Variants in FAM162B observed in about 807,000 individuals in gnomAD.
The protein encoded by FAM162B is protein FAM162B.
A neutral mutation model predicts 20.0 loss-of-function variants in FAM162B; 16 were observed. That is an observed-to-expected ratio of 0.80 (90% CI 0.54 to 1.21). The LOEUF (loss-of-function observed/expected upper bound fraction) is 1.21. FAM162B is among the 50% of genes most tolerant of loss of function. The pLI, the probability that FAM162B is intolerant of heterozygous loss-of-function variation, is 0.00. For missense variants in FAM162B, 260 were observed against 227.5 expected, an observed-to-expected ratio of 1.14 and a Z score of -0.92; for synonymous variants, 83 against 89.7, an observed-to-expected ratio of 0.93 and a Z score of 0.42.
intron 3 of FAM162B, among the ~76,000 whole-genome samples, chr6:116,755,809 T>C (rs1007347305): frequency 2.0e-5 from 3 of 152,192 alleles, no homozygotes; most frequent in African/African-American, 7.2e-5. Flanking sequence ...AAATCTACTC[T>C]GCCTGTGCCA....
chr6:116,764,691 CCCCCGCCACAGCCG>C (rs1771873003), intron 2 of FAM162B, among the ~76,000 whole-genome samples: 1 of 152,070 alleles, frequency 6.6e-6, no homozygotes, highest in Admixed American at 6.6e-5. Context: ...TCCAGAGACC[CCCCCGCCACAGCCG>C]CCCCGCAAGC....
chr6:116,765,549 G>C lies in FAM162B; in HGVS notation c.28C>G (p.Arg10Gly). ...CGGACTGTTAGCCCGCGGCCAAGGC[G>C]CAGTAGGCTCCCGACCGCCCTGAGC... MLRAVGSLLRLGRGLTVRCG... is the reference protein window; with the variant it reads MLRAVGSLLGLGRGLTVRCG... Residue 10 changes from arginine (R) to glycine (G), a missense_variant, in exon 1 of 4, where the codon CGC becomes GGC. Arg to Gly is a moderately radical substitution (Grantham distance 125). Transcript: ENST00000368557. 2.2e-6 allele frequency: 3 copies of C among 1,384,926 alleles called. No individual in the cohort carries two copies. The highest frequency in any genetic ancestry group is 2.8e-6 in the Non-Finnish European group (3 of 1,078,100). The allele number at this position is 1,384,926 out of a possible 1,614,324, so 85.8% of individuals were successfully genotyped here.
chr6:116,760,946 A>C (rs1209136371), intron 3 of FAM162B, among the ~76,000 whole-genome samples: 1 of 152,180 alleles, frequency 6.6e-6, no homozygotes, highest in Non-Finnish European at 1.5e-5. Flanking sequence ...GGATGTATGG[A>C]GCCAAGCAAA....
At position 116,765,041 on chromosome 6, in the gene FAM162B, A is replaced by C. The variant is rs928557448; in HGVS notation, c.281+106T>G. On this transcript the variant is annotated intron_variant, in intron 2 of 3. Transcript: ENST00000368557. ...GTGGGTGATATTGCGAAGTGTTGGC[A>C]CTGCGGCCGCTTTCGCTCCTAGGTG... 4 of 1,003,698 alleles carry C rather than the reference A, an allele frequency of 4.0e-6. No individual in the cohort carries two copies. The Admixed American group carries it at 7.0e-5, about 18-fold the overall frequency. The allele number at this position is 1,003,698 out of a possible 1,614,324, so 62.2% of individuals were successfully genotyped here. A position where few individuals can be genotyped will look rare whatever the true frequency, so the allele number is the denominator to read the frequency against.
intron 3 of FAM162B, among the ~76,000 whole-genome samples, chr6:116,754,954 T>C (rs1200786561): frequency 6.6e-6 from 1 of 152,140 alleles, no homozygotes; most frequent in Non-Finnish European, 1.5e-5. Context: ...TTGATAAACA[T>C]TGTATGTATT....
At chr6:116,760,277 A>G (rs536658348) in intron 3 of FAM162B, among the ~76,000 whole-genome samples, 14 of 152,342 alleles carry the variant, frequency 9.2e-5, no homozygotes, top group African/African-American at 3.4e-4. Flanking sequence ...TCAGATTCAC[A>G]CAGAGAAAAT....
Position 116,752,252 on chromosome 6 carries a change from G to T in FAM162B, c.*345C>A. The T allele has an allele frequency of 6.5e-6, 1 of 153,444 alleles. No homozygotes were observed. The highest frequency in any genetic ancestry group is 1.5e-5 in the Non-Finnish European group (1 of 68,858). The allele number at this position is 153,444 out of a possible 1,614,324, so 9.5% of individuals were successfully genotyped here. On this transcript the variant is annotated 3_prime_UTR_variant, in exon 4 of 4. Transcript: ENST00000368557. ...AAAACAGGCAAAATGAATCAAAGGTGATGAAACTCAGAAAAACTGCTATGT... is the reference window on the plus strand; with the variant it reads ...AAAACAGGCAAAATGAATCAAAGGTTATGAAACTCAGAAAAACTGCTATGT...
At position 116,765,158 on chromosome 6, in the gene FAM162B, C is replaced by A; in HGVS notation, c.270G>T (p.Pro90=). ...GTCGCCACACTTACGGGATCCGAGG[C>A]GGGATCTCCTCCATCGATTTGAAAC... ...TGRFKSMEEI[P]PRIPPEMIDT... is the part of the protein sequence containing the mutation. The change falls in exon 2 of 4, where the codon CCG becomes CCT. Residue 90 remains proline (P), a synonymous_variant. Transcript: ENST00000368557. 1 of 1,613,504 alleles carries A rather than the reference C, an allele frequency of 6.2e-7. No homozygotes were observed. Among genetic ancestry groups the A allele is most frequent in the Non-Finnish European group, 8.5e-7 (1 of 1,179,914 alleles).
At position 116,752,552 on chromosome 6, in the gene FAM162B, G is replaced by A; in HGVS notation, c.*45C>T. 9.6e-7 allele frequency: 1 copy of A among 1,039,354 alleles called. No homozygotes were observed. The highest frequency in any genetic ancestry group is 2.0e-5 in the South Asian group (1 of 49,986). The allele number at this position is 1,039,354 out of a possible 1,614,324, so 64.4% of individuals were successfully genotyped here. ...ATTTTTCCCATCTTCTACTGTTGCTGATGACAGGGATGGTATTCAGGTGAA... is the reference window on the plus strand; with the variant it reads ...ATTTTTCCCATCTTCTACTGTTGCTAATGACAGGGATGGTATTCAGGTGAA... On this transcript the variant is annotated 3_prime_UTR_variant, in exon 4 of 4. Transcript: ENST00000368557.
At chr6:116,760,840 T>C (rs1780132460) in intron 3 of FAM162B, among the ~76,000 whole-genome samples, 1 of 152,120 alleles carries the variant, frequency 6.6e-6, no homozygotes, top group Admixed American at 6.6e-5. Context: ...CTGTGTGAAG[T>C]TAGTGGGCTC....
chr6:116,755,497 G>A (rs978126103), intron 3 of FAM162B, among the ~76,000 whole-genome samples: 1 of 152,206 alleles, frequency 6.6e-6, no homozygotes, highest in African/African-American at 2.4e-5. Flanking sequence ...TAACAAAAGT[G>A]CAAGGTGAAG....
rs773940108 is a variant in FAM162B, at chr6:116,765,625, G to A, written c.-49C>T. 1.2e-4 allele frequency: 156 copies of A among 1,273,118 alleles called. No individual in the cohort carries two copies. Among genetic ancestry groups the A allele is most frequent in the Non-Finnish European group, 1.4e-4 (141 of 1,014,214 alleles). 78.9% of individuals were successfully genotyped at this position (1,273,118 alleles called of 1,614,324 possible). The stretch of plus-strand genomic sequence containing the variant: ...ACCCGCACCTCCGGACCCAGCCACA[G>A]GCGTTGTCCCCGCAGCTCTCCTCGT... On this transcript the variant is annotated 5_prime_UTR_variant, in exon 1 of 4. Transcript: ENST00000368557.
intron 3 of FAM162B, among the ~76,000 whole-genome samples, chr6:116,756,040 T>C (rs898101262): frequency 3.3e-5 from 5 of 152,176 alleles, no homozygotes; most frequent in Admixed American, 6.5e-5. Context: ...CTTCAGCCCA[T>C]GGAAAAAGGT....
intron 3 of FAM162B, among the ~76,000 whole-genome samples, chr6:116,761,383 T>C (rs76884276): frequency 0.017 from 2,625 of 152,162 alleles, 58 homozygotes; most frequent in African/African-American, 0.06. Flanking sequence ...AAGCTCTGCA[T>C]TTCTAACTAG....
Position 116,762,102 on chromosome 6 carries a change from A to G in FAM162B, c.282-17T>C. On this transcript the variant is annotated splice_polypyrimidine_tract_variant and intron_variant, in intron 2 of 3. Transcript: ENST00000368557. ...ATTTCTGGCCTAAACAAAGATGTGTATTTTGTTAAATATGTAAAAGTAATA... is the reference window on the plus strand; with the variant it reads ...ATTTCTGGCCTAAACAAAGATGTGTGTTTTGTTAAATATGTAAAAGTAATA... 1.3e-6 allele frequency: 2 copies of G among 1,522,472 alleles called. No homozygotes were observed. The highest frequency in any genetic ancestry group is 1.8e-6 in the Non-Finnish European group (2 of 1,115,450). 94.3% of individuals were successfully genotyped at this position (1,522,472 alleles called of 1,614,324 possible).
At chr6:116,761,940 C>T (rs998164099) in intron 3 of FAM162B, 37 bp downstream of exon 3, 2 of 1,481,882 alleles carry the variant, frequency 1.3e-6, no homozygotes, top group Admixed American at 1.8e-5. Context: ...AGGTACTTAC[C>T]CTTTTAACTG....
At chr6:116,756,895 A>G (rs1053047277) in intron 3 of FAM162B, among the ~76,000 whole-genome samples, 2 of 152,240 alleles carry the variant, frequency 1.3e-5, no homozygotes, top group Non-Finnish European at 2.9e-5. Context: ...TGAACATACA[A>G]TATCTCTGAG....
At chr6:116,758,019 A>G (rs1780073274) in intron 3 of FAM162B, among the ~76,000 whole-genome samples, 1 of 152,218 alleles carries the variant, frequency 6.6e-6, no homozygotes, top group Non-Finnish European at 1.5e-5. Flanking sequence ...AAACATTTCT[A>G]TATTTTGATA....
At chr6:116,761,913 G>C in intron 3 of FAM162B, 64 bp downstream of exon 3, 1 of 1,203,134 alleles carries the variant, frequency 8.3e-7, no homozygotes, top group Non-Finnish European at 1.2e-6. Context: ...TACTCTTTTA[G>C]GGAGGTACTT....
Sources: allele counts gnomAD v4.1 joint callset (sites outside exome capture counted in the v4.1 genomes callset), GRCh38; gene constraint gnomAD v4.1.1; transcripts MANE v1.5; gene names NCBI Gene and HGNC (gene_info 2026-07-23, HGNC 2026-07-21).